The following NCKAP5 variants were observed in gnomAD, a reference collection of about 807,000 sequenced individuals.
The protein encoded by NCKAP5 is NCK associated protein 5, also known as nck-associated protein 5.
In NCKAP5, 92 loss-of-function variants were observed where a neutral mutation model predicts 167.0. That is an observed-to-expected ratio of 0.55 (90% CI 0.47 to 0.66). NCKAP5 has a LOEUF of 0.66. NCKAP5 is among the 30% of genes least tolerant of loss of function. The pLI, the probability that NCKAP5 is intolerant of heterozygous loss-of-function variation, is 0.00. For missense variants in NCKAP5, 2,378 were observed against 2,315.0 expected, an observed-to-expected ratio of 1.03 and a Z score of -0.56; for synonymous variants, 891 against 877.4, an observed-to-expected ratio of 1.02 and a Z score of -0.27.
chr2:132,860,913 A>G (rs181512578), intron 10 of NCKAP5, among the ~76,000 whole-genome samples: 1 of 152,332 alleles, frequency 6.6e-6, no homozygotes, highest in Non-Finnish European at 1.5e-5. Context: ...TTCCGCCTAT[A>G]TATTTTGCCT....
At chr2:133,154,749 G>C (rs1484492284) in intron 5 of NCKAP5, among the ~76,000 whole-genome samples, 3 of 152,154 alleles carry the variant, frequency 2.0e-5, no homozygotes, top group Non-Finnish European at 4.4e-5. Flanking sequence ...GATGAAATAG[G>C]GATGCATATG....
chr2:132,855,161 C>T lies in NCKAP5; in HGVS notation c.807+5331G>A, dbSNP rs139030472. On this transcript the variant is annotated intron_variant, in intron 11 of 19. Transcript: ENST00000409261. ...GCTCTGCAGGAACTGTGTGATTTTT[C>T]AAAGTGTCCCTTACCTCTCAAAGGG... 6.4e-3 allele frequency among the ~76,000 whole-genome samples: 967 copies of T among 152,234 alleles called. 12 individuals are homozygous for T. The highest frequency in any genetic ancestry group is 0.022 in the African/African-American group (911 of 41,540).
chr2:133,612,702 T>A, the NCKAP5 span, among the ~76,000 whole-genome samples: 4 of 152,294 alleles, frequency 2.6e-5, no homozygotes, highest in South Asian at 8.3e-4. Context: ...GCTTAAAAAA[T>A]AGATGTAAAG....
chr2:133,464,878 C>T (rs942178556), intron 3 of NCKAP5, among the ~76,000 whole-genome samples: 8 of 151,210 alleles, frequency 5.3e-5, no homozygotes, highest in Admixed American at 2.6e-4. Flanking sequence ...CACTTGCCAA[C>T]GTGGCATGGG....
intron 11 of NCKAP5, among the ~76,000 whole-genome samples, chr2:132,819,407 C>T (rs985833004): frequency 6.6e-6 from 1 of 152,202 alleles, no homozygotes; most frequent in African/African-American, 2.4e-5. Context: ...ACCTTAATGG[C>T]ATTTTAGCCC....
chr2:133,226,640 C>CACACACAG (rs933689015), intron 4 of NCKAP5, among the ~76,000 whole-genome samples: 7 of 150,680 alleles, frequency 4.6e-5, no homozygotes, highest in African/African-American at 7.3e-5. Context: ...CACACACACA[C>CACACACAG]AGGAAGAACA....
intron 6 of NCKAP5, among the ~76,000 whole-genome samples, chr2:133,007,672 A>C (rs779434071): frequency 6.6e-6 from 1 of 152,118 alleles, no homozygotes; most frequent in Non-Finnish European, 1.5e-5. Context: ...TTCCCAGGAC[A>C]GTTCAGCTCA....
intron 19 of NCKAP5, among the ~76,000 whole-genome samples, chr2:132,699,792 G>A (rs1015936825): frequency 2.6e-5 from 4 of 152,124 alleles, no homozygotes; most frequent in African/African-American, 9.7e-5. Flanking sequence ...ATAAACATAC[G>A]TGTGCATGTG....
At chr2:133,199,513 T>C (rs890997216) in intron 5 of NCKAP5, among the ~76,000 whole-genome samples, 4 of 152,036 alleles carry the variant, frequency 2.6e-5, no homozygotes, top group Non-Finnish European at 5.9e-5. Flanking sequence ...TGCAAATTAA[T>C]GCCTGAGATA....
In NCKAP5 at chr2:132,795,820, G is replaced by GAAAA. The variant is rs55826486; in HGVS notation, c.909+804_909+807dup. Among the ~76,000 whole-genome samples, 259 of 85,018 alleles carry GAAAA rather than the reference G, an allele frequency of 3.0e-3. 14 individuals are homozygous for GAAAA. Among genetic ancestry groups the GAAAA allele is most frequent in the South Asian group, 6.2e-3 (14 of 2,264 alleles). 55.8% of individuals were successfully genotyped at this position (85,018 alleles called of 152,430 possible). A position where few individuals can be genotyped will look rare whatever the true frequency, so the allele number is the denominator to read the frequency against. ...GGCAACAGGATGAGACCCCGTATCA[G>GAAAA]AAAAAAAAAAAAAAAAAACAAAAAA... On this transcript the variant is annotated intron_variant, in intron 12 of 19. Transcript: ENST00000409261.
At chr2:133,290,511 T>C (rs1679500412) in intron 4 of NCKAP5, among the ~76,000 whole-genome samples, 1 of 152,220 alleles carries the variant, frequency 6.6e-6, no homozygotes, top group African/African-American at 2.4e-5. Context: ...TGACAAGCCC[T>C]AAAACTTCTT....
At chr2:133,599,727 G>A in the NCKAP5 span, among the ~76,000 whole-genome samples, 10 of 152,198 alleles carry the variant, frequency 6.6e-5, no homozygotes, top group African/African-American at 1.7e-4. Flanking sequence ...GAGGCACACC[G>A]AAGCCCTTCT....
intron 6 of NCKAP5, among the ~76,000 whole-genome samples, chr2:133,062,387 T>C (rs766019581): frequency 1.2e-4 from 18 of 152,228 alleles, no homozygotes; most frequent in Non-Finnish European, 1.9e-4. Context: ...TTAAGTGTAT[T>C]ATGCAGATTT....
intron 11 of NCKAP5, among the ~76,000 whole-genome samples, chr2:132,857,939 T>C (rs1051354287): frequency 1.3e-5 from 2 of 152,210 alleles, no homozygotes; most frequent in African/African-American, 4.8e-5. Flanking sequence ...ATTCTGTATT[T>C]TTAAGGGACA....
At chr2:133,614,786 G>A in the NCKAP5 span, among the ~76,000 whole-genome samples, 2 of 151,046 alleles carry the variant, frequency 1.3e-5, no homozygotes, top group South Asian at 2.1e-4. Context: ...TCAGATTCAG[G>A]AAATACAGAG....
chr2:133,345,667 A>G (rs182729886), intron 3 of NCKAP5, among the ~76,000 whole-genome samples: 2 of 152,214 alleles, frequency 1.3e-5, no homozygotes, highest in Non-Finnish European at 1.5e-5. Flanking sequence ...GAAGGTCTCA[A>G]TAATGTTGAG....
rs2076586111 is a variant in NCKAP5, at chr2:132,963,809, C to A, written c.490G>T (p.Val164Phe). The A allele has an allele frequency of 6.2e-7, 1 of 1,613,944 alleles. No individual in the cohort carries two copies. The highest frequency in any genetic ancestry group is 8.5e-7 in the Non-Finnish European group (1 of 1,179,850). ...KEALEDLHMV[V>F]DEDSRSESSS... Reference sequence around the variant, plus strand: ...CTTTCACTCCTCGAATCCTCATCAACCACCATGTGAAGATCTTCCAAAGCT... The same window carrying A: ...CTTTCACTCCTCGAATCCTCATCAAACACCATGTGAAGATCTTCCAAAGCT... The change falls in exon 8 of 20, where the codon GTT becomes TTT. Residue 164 changes from valine to phenylalanine, a missense_variant. By Grantham distance (50) the Val-to-Phe change is conservative. Around this residue, in one of 3 missense-constraint regions of NCKAP5, gnomAD observed 1,049 missense variants for 1,023.4 expected, o/e 1.02. Coordinates refer to ENST00000409261, the MANE Select transcript of NCKAP5 (RefSeq NM_207363.3).
At chr2:133,249,406 A>T (rs1357702590) in intron 4 of NCKAP5, among the ~76,000 whole-genome samples, 1 of 152,210 alleles carries the variant, frequency 6.6e-6, no homozygotes, top group Non-Finnish European at 1.5e-5. Context: ...ATTCTCCCTG[A>T]GAACCTCCAA....
At chr2:132,933,875 G>T (rs1696633151) in intron 8 of NCKAP5, among the ~76,000 whole-genome samples, 1 of 152,154 alleles carries the variant, frequency 6.6e-6, no homozygotes, top group South Asian at 2.1e-4. Flanking sequence ...TACAACAATA[G>T]CTCTAATTTA....
Sources: gnomAD v4.1 joint callset for allele counts (sites outside exome capture counted in the v4.1 genomes callset) on GRCh38, gnomAD v4.1.1 for gene constraint, gnomAD v4.1.1 regional missense constraint, MANE v1.5 for transcripts, NCBI Gene and HGNC (gene_info 2026-07-23, HGNC 2026-07-21) for gene names.